Variants in GALNT13 observed in about 807,000 individuals in gnomAD.
GALNT13 encodes the protein polypeptide N-acetylgalactosaminyltransferase 13, also known as UDP-GalNAc:polypeptide N-acetylgalactosaminyltransferase 13.
Under a neutral mutation model 64.2 loss-of-function variants are expected in GALNT13, and 28 were observed. The ratio of observed to expected loss-of-function variants is 0.44; its 90% CI spans 0.32 to 0.60. The LOEUF (loss-of-function observed/expected upper bound fraction) is 0.60. Ranked by LOEUF, GALNT13 falls within the 20% of genes least tolerant of loss-of-function variation. GALNT13 has a pLI of 0.05. For missense variants in GALNT13, 577 were observed against 669.8 expected, an observed-to-expected ratio of 0.86 and a Z score of 1.53; for synonymous variants, 214 against 224.6, an observed-to-expected ratio of 0.95 and a Z score of 0.42.
intron 4 of GALNT13, among the ~76,000 whole-genome samples, chr2:154,155,327 A>G (rs1474163337): frequency 1.3e-5 from 2 of 152,074 alleles, no homozygotes; most frequent in East Asian, 3.9e-4. Flanking sequence ...TATTCGTCTC[A>G]TGGAAGAAAT....
intron 3 of GALNT13, among the ~76,000 whole-genome samples, chr2:153,966,557 A>G (rs1243619530): frequency 3.3e-5 from 5 of 151,690 alleles, no homozygotes; most frequent in Admixed American, 6.6e-5. Flanking sequence ...TTTAGTAGAC[A>G]CGGGGTCTCA....
intron 4 of GALNT13, among the ~76,000 whole-genome samples, chr2:154,241,498 C>G (rs1017800617): frequency 2.0e-5 from 3 of 152,126 alleles, no homozygotes; most frequent in Admixed American, 2.0e-4. Context: ...TTAGTAGATT[C>G]TGAATCTAAA....
At chr2:153,184,022 G>C in the GALNT13 span, among the ~76,000 whole-genome samples, 1 of 152,160 alleles carries the variant, frequency 6.6e-6, no homozygotes. Flanking sequence ...GTCAGTGGTA[G>C]TTTAATGGGA....
chr2:153,784,355 A>G, the GALNT13 span, among the ~76,000 whole-genome samples: 4 of 152,196 alleles, frequency 2.6e-5, no homozygotes, highest in Non-Finnish European at 5.9e-5. Flanking sequence ...GATCTGTGGA[A>G]CTTTGAACTT....
chr2:154,068,532 A>AT (rs1178220265), intron 3 of GALNT13, among the ~76,000 whole-genome samples: 2 of 144,236 alleles, frequency 1.4e-5, no homozygotes, highest in East Asian at 3.9e-4. Context: ...ATATTCATCC[A>AT]TAAAAAAAAG....
At chr2:153,303,011 G>T in the GALNT13 span, among the ~76,000 whole-genome samples, 2 of 152,020 alleles carry the variant, frequency 1.3e-5, no homozygotes, top group Admixed American at 1.3e-4. Context: ...CAGAAGATTG[G>T]TTTGGTTGTT....
chr2:154,256,194 A>G (rs1180066627), intron 7 of GALNT13, among the ~76,000 whole-genome samples: 1 of 152,154 alleles, frequency 6.6e-6, no homozygotes, highest in Admixed American at 6.5e-5. Context: ...TTACTTTCCC[A>G]GTGTCTTAAT....
intron 3 of GALNT13, among the ~76,000 whole-genome samples, chr2:153,991,114 C>A: frequency 6.6e-6 from 1 of 152,166 alleles, no homozygotes; most frequent in East Asian, 1.9e-4. Flanking sequence ...CTCAGCAAAA[C>A]CTTCTCCACC....
intron 4 of GALNT13, among the ~76,000 whole-genome samples, chr2:154,197,240 A>G (rs1294499733): frequency 6.6e-6 from 1 of 152,146 alleles, no homozygotes; most frequent in Non-Finnish European, 1.5e-5. Context: ...AAAAGAAAGA[A>G]AGAAATGTCT....
intron 4 of GALNT13, among the ~76,000 whole-genome samples, chr2:154,196,517 G>T (rs1018135348): frequency 6.6e-6 from 1 of 152,132 alleles, no homozygotes; most frequent in African/African-American, 2.4e-5. Context: ...GCTATTCATA[G>T]ATTCAGAGGC....
chr2:154,312,898 T>A (rs1421218118), intron 9 of GALNT13, among the ~76,000 whole-genome samples: 1 of 152,156 alleles, frequency 6.6e-6, no homozygotes, highest in African/African-American at 2.4e-5. Context: ...GCTTGACAGT[T>A]AAAATTAAAG....
At chr2:153,487,491 G>A in the GALNT13 span, among the ~76,000 whole-genome samples, 6 of 152,300 alleles carry the variant, frequency 3.9e-5, no homozygotes, top group East Asian at 9.6e-4. Flanking sequence ...CATCTTATGT[G>A]TATAACATTC....
the GALNT13 span, among the ~76,000 whole-genome samples, chr2:153,301,320 A>AAAG: frequency 2.4e-5 from 3 of 126,664 alleles, no homozygotes. Flanking sequence ...AAAAAAAAAG[A>AAAG]AAAAAAAAAA....
At chr2:153,589,588 C>T in the GALNT13 span, among the ~76,000 whole-genome samples, 1 of 152,146 alleles carries the variant, frequency 6.6e-6, no homozygotes, top group Non-Finnish European at 1.5e-5. Flanking sequence ...GGGCAATTTA[C>T]AAAAGAAAGA....
chr2:153,464,899 A>G, the GALNT13 span, among the ~76,000 whole-genome samples: 6 of 152,280 alleles, frequency 3.9e-5, no homozygotes, highest in East Asian at 9.7e-4. Context: ...AGAATAATAT[A>G]AACTATACAA....
At chr2:153,356,170 T>C in the GALNT13 span, among the ~76,000 whole-genome samples, 1 of 152,200 alleles carries the variant, frequency 6.6e-6, no homozygotes, top group African/African-American at 2.4e-5. Context: ...GTAGATAAAG[T>C]TAGCTTTGCA....
the GALNT13 span, among the ~76,000 whole-genome samples, chr2:153,749,496 A>C: frequency 2.0e-5 from 3 of 151,902 alleles, no homozygotes; most frequent in Non-Finnish European, 4.4e-5. Context: ...ATTTTTTGCT[A>C]TCCTCTTCAA....
intron 4 of GALNT13, among the ~76,000 whole-genome samples, chr2:154,200,341 C>T (rs1687108138): frequency 6.6e-6 from 1 of 151,760 alleles, no homozygotes; most frequent in Non-Finnish European, 1.5e-5. Context: ...AATATCCCAC[C>T]AAAGATATGA....
the GALNT13 span, among the ~76,000 whole-genome samples, chr2:153,649,583 C>T: frequency 9.3e-5 from 14 of 151,200 alleles, 1 homozygote; most frequent in East Asian, 2.2e-3. Context: ...ATCTTTCCTG[C>T]TTTCTCTTGT....
Sources: gnomAD v4.1 joint callset for allele counts (sites outside exome capture counted in the v4.1 genomes callset) on GRCh38, gnomAD v4.1.1 for gene constraint, MANE v1.5 for transcripts, NCBI Gene and HGNC (gene_info 2026-07-23, HGNC 2026-07-21) for gene names.